Variants in DHTKD1 observed in about 807,000 individuals in gnomAD.
The protein encoded by DHTKD1 is 2-oxoadipate dehydrogenase complex component E1.
Under a neutral mutation model 101.8 loss-of-function variants are expected in DHTKD1, and 78 were observed. The ratio of observed to expected loss-of-function variants is 0.77; its 90% CI spans 0.64 to 0.93. DHTKD1 has a LOEUF of 0.93. Ranked by LOEUF, DHTKD1 falls within the 40% of genes least tolerant of loss-of-function variation. The pLI is 0.00. For synonymous variants in DHTKD1, 462 were observed against 450.3 expected (o/e 1.03, Z -0.33); for missense variants, 1,223 against 1,161.7 (o/e 1.05, Z -0.77).
chr10:12,119,621 A>AT (rs1302960987), intron 15 of DHTKD1, among the ~76,000 whole-genome samples: 10 of 150,838 alleles, frequency 6.6e-5, no homozygotes, highest in Non-Finnish European at 1.5e-5. Flanking sequence ...GTCTCAAAAA[A>AT]AAAAAAAAAA....
rs1833095082 is a variant in DHTKD1 at position 12,097,810 on chromosome 10, G to A, written c.1485G>A (p.Met495Ile). The A allele has an allele frequency of 6.2e-7, 1 of 1,614,208 alleles. No homozygotes were observed. Among genetic ancestry groups the A allele is most frequent in the Non-Finnish European group, 8.5e-7 (1 of 1,180,038 alleles). ...YAKLNDHLNN[M>I]AHYRPPALNL... is the part of the protein sequence containing the mutation. ...AGTTGAATGATCACTTAAATAACAT[G>A]GCCCACTACAGGCCCCCTGCCCTGA... is the stretch of plus-strand genomic sequence containing the variant. Residue 495 changes from methionine to isoleucine, a missense_variant, in exon 8 of 17, where the codon ATG becomes ATA. Physicochemically the swap from Met to Ile is conservative, Grantham distance 10. Transcript: ENST00000263035.
At chr10:12,079,685 AT>A (rs1481312250) in intron 1 of DHTKD1, among the ~76,000 whole-genome samples, 20 of 152,276 alleles carry the variant, frequency 1.3e-4, no homozygotes, top group African/African-American at 4.3e-4. Flanking sequence ...AAATAAAAAA[AT>A]AAAAGGTGAG....
chr10:12,094,071 A>C lies in DHTKD1; in HGVS notation c.1160-2A>C, dbSNP rs1164169965. 5 of 1,613,076 alleles carry C rather than the reference A, an allele frequency of 3.1e-6. No homozygotes were observed. The highest frequency in any genetic ancestry group is 4.2e-6 in the Non-Finnish European group (5 of 1,179,356). On this transcript the variant is annotated splice_acceptor_variant, in intron 6 of 16. Transcript: ENST00000263035. LOFTEE classifies it high-confidence loss of function. Reference sequence around the variant, plus strand: ...GTTTCGGCTTGGTCTTCTGTCCTTCAGGGAAGCTTGTGGGCTGTGCCATCA... The same window carrying C: ...GTTTCGGCTTGGTCTTCTGTCCTTCCGGGAAGCTTGTGGGCTGTGCCATCA...
Position 12,089,008 on chromosome 10 carries a change from G to T in DHTKD1, c.740G>T (p.Gly247Val). 1 of 1,613,966 alleles carries T rather than the reference G, an allele frequency of 6.2e-7. No homozygotes were observed. Among genetic ancestry groups the T allele is most frequent in the South Asian group, 1.1e-5 (1 of 91,066 alleles). The change falls in exon 5 of 17, where the codon GGC (glycine) becomes GTC (valine). Residue 247 changes from glycine (G) to valine (V), a missense_variant. Gly to Val is a moderately radical substitution (Grantham distance 109, BLOSUM62 -3). Coordinates refer to ENST00000263035, the MANE Select transcript of DHTKD1 (RefSeq NM_018706.7). ...TAGCTGATGTTCCGTAAAATGCGAG[G>T]CTTAAGTGAATTTCCAGAGAATTTC... ...PPELMFRKMR[G>V]LSEFPENFSA...
At chr10:12,077,552 A>G (rs1195587592) in intron 1 of DHTKD1, among the ~76,000 whole-genome samples, 1 of 152,166 alleles carries the variant, frequency 6.6e-6, no homozygotes, top group Non-Finnish European at 1.5e-5. Flanking sequence ...TTAAGTCTGG[A>G]TGCTTTTTCA....
intron 2 of DHTKD1, among the ~76,000 whole-genome samples, chr10:12,082,753 A>C (rs539985285): frequency 6.6e-6 from 1 of 152,220 alleles, no homozygotes; most frequent in Non-Finnish European, 1.5e-5. Context: ...CTCAGTTGGA[A>C]TATAGTGGTG....
At chr10:12,083,943 G>A (rs550432024) in intron 2 of DHTKD1, among the ~76,000 whole-genome samples, 1 of 151,448 alleles carries the variant, frequency 6.6e-6, no homozygotes, top group South Asian at 2.1e-4. Context: ...TTTATTTTGG[G>A]ACAGAGCCTT....
chr10:12,088,938 C>G (rs1310328183), intron 4 of DHTKD1, 48 bp from the exon 5 acceptor site: 1 of 1,546,018 alleles, frequency 6.5e-7, no homozygotes, highest in East Asian at 2.3e-5. Flanking sequence ...TCCCTAGACT[C>G]CATTGTGATG....
intron 16 of DHTKD1, 51 bp from the exon 17 acceptor site, chr10:12,120,736 G>A (rs1392237958): frequency 6.7e-7 from 1 of 1,483,286 alleles, no homozygotes; most frequent in South Asian, 1.1e-5. Flanking sequence ...ACTAAGCAGA[G>A]CTCTGATCTA....
At chr10:12,072,999 G>T (rs563966074) in intron 1 of DHTKD1, among the ~76,000 whole-genome samples, 1 of 152,024 alleles carries the variant, frequency 6.6e-6, no homozygotes, top group African/African-American at 2.4e-5. Flanking sequence ...GCCTCCCAAA[G>T]TGCTGGGATT....
chr10:12,075,625 C>G (rs1023966873), intron 1 of DHTKD1, among the ~76,000 whole-genome samples: 1 of 152,066 alleles, frequency 6.6e-6, no homozygotes, highest in Non-Finnish European at 1.5e-5. Context: ...TCCTCCTGCC[C>G]CAGCCTCCCA....
intron 1 of DHTKD1, among the ~76,000 whole-genome samples, chr10:12,069,971 T>C (rs1588598023): frequency 6.6e-6 from 1 of 152,112 alleles, no homozygotes; most frequent in South Asian, 2.1e-4. Context: ...ACTGCATTGC[T>C]TGGGAGAAGT....
chr10:12,085,706 C>A (rs1832886809), intron 3 of DHTKD1, among the ~76,000 whole-genome samples: 1 of 152,014 alleles, frequency 6.6e-6, no homozygotes, highest in African/African-American at 2.4e-5. Context: ...TGGTGAAACC[C>A]CGTGTCTACT....
chr10:12,081,518 T>G lies in DHTKD1; in HGVS notation c.201T>G (p.Gly67=), dbSNP rs772193531. 1.2e-6 allele frequency: 2 copies of G among 1,614,092 alleles called. No homozygotes were observed. The highest frequency in any genetic ancestry group is 1.7e-6 in the Non-Finnish European group (2 of 1,179,994). ...TGGTGACAGTATATTGTGAGCATGG[T>G]CATAAAGCTGCCAAAATCAACCCCC... ...ARLVTVYCEH[G]HKAAKINPLF... Residue 67 remains glycine (G), a synonymous_variant, in exon 2 of 17, where the codon GGT becomes GGG. Coordinates refer to ENST00000263035, the MANE Select transcript of DHTKD1 (RefSeq NM_018706.7).
At chr10:12,073,003 T>C (rs1185904559) in intron 1 of DHTKD1, among the ~76,000 whole-genome samples, 2 of 151,996 alleles carry the variant, frequency 1.3e-5, no homozygotes, top group Non-Finnish European at 2.9e-5. Context: ...CCCAAAGTGC[T>C]GGGATTACAG....
chr10:12,100,287 G>GGTTTTT, intron 9 of DHTKD1, 25 bp downstream of exon 9: 2 of 269,860 alleles, frequency 7.4e-6, no homozygotes, highest in East Asian at 8.2e-5. Flanking sequence ...TTTTTTTTCT[G>GGTTTTT]TTTTTTTTTT....
In DHTKD1 at chr10:12,097,744, G is replaced by T; in HGVS notation, c.1419G>T (p.Thr473=). 2 of 1,614,122 alleles carry T rather than the reference G, an allele frequency of 1.2e-6. No individual in the cohort carries two copies. The highest frequency in any genetic ancestry group is 1.7e-6 in the Non-Finnish European group (2 of 1,180,002). Reference sequence around the variant, plus strand: ...ACCTCATTGCTGGCGGACTCATGACGCAGGAGGAGGTGTCTGAAATAAAAT... The same window carrying T: ...ACCTCATTGCTGGCGGACTCATGACTCAGGAGGAGGTGTCTGAAATAAAAT... ...AEHLIAGGLM[T]QEEVSEIKSS... The change falls in exon 8 of 17, where the codon ACG becomes ACT. Residue 473 remains threonine (T), a synonymous_variant. Coordinates refer to ENST00000263035, the MANE Select transcript of DHTKD1 (RefSeq NM_018706.7).
intron 8 of DHTKD1, 67 bp downstream of exon 8, chr10:12,098,063 C>G: frequency 7.0e-7 from 1 of 1,437,766 alleles, no homozygotes; most frequent in East Asian, 2.3e-5. Context: ...TGACGTTGGT[C>G]TGGTGTTTTC....
At chr10:12,108,379 A>C (rs1277919248) in intron 12 of DHTKD1, among the ~76,000 whole-genome samples, 1 of 152,052 alleles carries the variant, frequency 6.6e-6, no homozygotes, top group Non-Finnish European at 1.5e-5. Context: ...TCTTGGGTTC[A>C]AGCGATTCTC....
Sources: allele counts gnomAD v4.1 joint callset (sites outside exome capture counted in the v4.1 genomes callset), GRCh38; gene constraint gnomAD v4.1.1; transcripts MANE v1.5; gene names NCBI Gene and HGNC (gene_info 2026-07-23, HGNC 2026-07-21).